NUP153: variants seen among roughly 807,000 people sequenced by gnomAD.
NUP153 encodes nucleoporin 153.
A neutral mutation model predicts 134.6 loss-of-function variants in NUP153; 27 were observed. The observed-to-expected ratio is 0.20, with a 90% CI of 0.15 to 0.28. NUP153 has a LOEUF of 0.28. Among genes scored for constraint, NUP153 ranks in the 10% least tolerant of loss-of-function variants. The pLI is 1.00. For synonymous variants in NUP153, 640 were observed against 623.5 expected (o/e 1.03, Z -0.40); for missense variants, 1,821 against 1,731.3 (o/e 1.05, Z -0.92).
At chr6:17,631,272 A>G (rs1437409794) in intron 17 of NUP153, among the ~76,000 whole-genome samples, 1 of 152,242 alleles carries the variant, frequency 6.6e-6, no homozygotes, top group Non-Finnish European at 1.5e-5. Context: ...GATGGCTCAC[A>G]ATATAAAAGG....
At chr6:17,646,245 T>C (rs1766170838) in intron 13 of NUP153, 91 bp from the exon 14 acceptor site, 2 of 618,570 alleles carry the variant, frequency 3.2e-6, no homozygotes, top group Admixed American at 3.0e-5. Context: ...TCTTACTCTG[T>C]CGCCCAGGCT....
At chr6:17,704,618 T>C (rs1188595256) in intron 1 of NUP153, among the ~76,000 whole-genome samples, 1 of 151,810 alleles carries the variant, frequency 6.6e-6, no homozygotes, top group Non-Finnish European at 1.5e-5. Flanking sequence ...GTGGGAGTAG[T>C]AACAGTGCCA....
chr6:17,685,850 TA>T (rs879939245), intron 2 of NUP153, among the ~76,000 whole-genome samples: 219 of 145,178 alleles, frequency 1.5e-3, no homozygotes, highest in East Asian at 2.8e-3. Flanking sequence ...CCACTTACAT[TA>T]AAAAAAAAAA....
chr6:17,695,055 G>T (rs145759780), intron 1 of NUP153, among the ~76,000 whole-genome samples: 1 of 152,022 alleles, frequency 6.6e-6, no homozygotes, highest in South Asian at 2.1e-4. Context: ...AAATACAGGC[G>T]TGTCCTTGGA....
rs548536884 is a variant in NUP153 at position 17,628,444 on chromosome 6, T to C, written c.3544+211A>G. ...GCATTACTGCTGTATTTCTCAAAAT[T>C]AGATCCACAGATGACTTCACCAGAA... On this transcript the variant is annotated intron_variant, in intron 18 of 21. Transcript: ENST00000262077. This position sits in a 1 kb window ranked among gnomAD's most constrained non-coding sequence, Gnocchi z 5.4. Among the ~76,000 whole-genome samples the C allele has an allele frequency of 2.9e-4, 44 of 152,244 alleles. No individual in the cohort carries two copies. Among genetic ancestry groups the C allele is most frequent in the African/African-American group, 9.1e-4 (38 of 41,548 alleles).
Position 17,637,180 on chromosome 6 carries a change from A to C in NUP153, c.2437T>G (p.Cys813Gly). Residue 813 changes from cysteine (C) to glycine (G), a missense_variant, in exon 16 of 22, where the codon TGT (cysteine) becomes GGT (glycine). Transcript: ENST00000262077. ...CVSNNAEDNK[C>G]VSCMSEKPGS... ...GGTTTCTCAGACATACAGGACACAC[A>C]CTTATTGTCTTCTGCATTATTAGAA... 1 of 1,613,496 alleles carries C rather than the reference A, an allele frequency of 6.2e-7. No individual in the cohort carries two copies. The highest frequency in any genetic ancestry group is 8.5e-7 in the Non-Finnish European group (1 of 1,179,442).
At chr6:17,700,631 A>G (rs1769992915) in intron 1 of NUP153, among the ~76,000 whole-genome samples, 1 of 152,236 alleles carries the variant, frequency 6.6e-6, no homozygotes, top group Non-Finnish European at 1.5e-5. Flanking sequence ...ATCAGATACC[A>G]GGCAGGACAT....
chr6:17,682,592 A>G (rs1351080406), intron 2 of NUP153, among the ~76,000 whole-genome samples: 1 of 152,150 alleles, frequency 6.6e-6, no homozygotes, highest in East Asian at 1.9e-4. Flanking sequence ...AAAAATGTGC[A>G]CAGTATCTTC....
chr6:17,650,463 T>C (rs1036051830), intron 11 of NUP153, among the ~76,000 whole-genome samples: 17 of 152,070 alleles, frequency 1.1e-4, no homozygotes, highest in Admixed American at 1.0e-3. Flanking sequence ...CAAAGAAAAC[T>C]AAAAAGTTTC....
intron 9 of NUP153, among the ~76,000 whole-genome samples, chr6:17,663,661 TAAAG>T (rs1395375624): frequency 6.6e-6 from 1 of 152,176 alleles, no homozygotes; most frequent in Non-Finnish European, 1.5e-5. Flanking sequence ...TGAATCAACA[TAAAG>T]AAATACATGG....
chr6:17,647,974 CA>C, intron 12 of NUP153, 69 bp from the exon 13 acceptor site: 2 of 956,928 alleles, frequency 2.1e-6, no homozygotes. Context: ...ACAAAAAAGA[CA>C]TTAAGCAAAC....
intron 2 of NUP153, among the ~76,000 whole-genome samples, chr6:17,683,133 C>T (rs1408954079): frequency 5.3e-5 from 8 of 152,104 alleles, no homozygotes; most frequent in East Asian, 1.9e-4. Flanking sequence ...GGGCTGGAAT[C>T]AACTTTCTCT....
intron 16 of NUP153, 83 bp from the exon 17 acceptor site, chr6:17,632,927 T>TG: frequency 9.9e-7 from 1 of 1,012,922 alleles, no homozygotes; most frequent in Non-Finnish European, 1.4e-6. Context: ...TTAATGGCAC[T>TG]GCTAAGTTTA....
At chr6:17,626,778 T>A (rs898443498) in intron 18 of NUP153, among the ~76,000 whole-genome samples, 6 of 152,342 alleles carry the variant, frequency 3.9e-5, no homozygotes, top group Non-Finnish European at 5.9e-5. Flanking sequence ...ATTTCTTGTG[T>A]GGTTTCCTTT....
At position 17,625,479 on chromosome 6, in the gene NUP153, G is replaced by A. The variant is rs1345540893; in HGVS notation, c.3901+329C>T. Among the ~76,000 whole-genome samples, 1 of 152,134 alleles carries A rather than the reference G, an allele frequency of 6.6e-6. No homozygotes were observed. The highest frequency in any genetic ancestry group is 1.5e-5 in the Non-Finnish European group (1 of 68,024). ...CGGGAGAGGCAGGTTGCAGTGAGCT[G>A]AGATTGCACCACTGCACTCCAGCCT... On this transcript the variant is annotated intron_variant, in intron 19 of 21. Transcript: ENST00000262077. This position sits in a 1 kb window ranked among gnomAD's most constrained non-coding sequence, Gnocchi z 4.7.
At chr6:17,659,613 C>T (rs1417150683) in intron 11 of NUP153, among the ~76,000 whole-genome samples, 6 of 152,132 alleles carry the variant, frequency 3.9e-5, no homozygotes, top group Non-Finnish European at 8.8e-5. Flanking sequence ...GCTGGGACTA[C>T]ACACATACGC....
At chr6:17,632,970 A>G in intron 16 of NUP153, 126 bp from the exon 17 acceptor site, 1 of 661,658 alleles carries the variant, frequency 1.5e-6, no homozygotes. Context: ...TTCCTATTAA[A>G]ACACAGAATG....
intron 14 of NUP153, among the ~76,000 whole-genome samples, chr6:17,640,513 A>G (rs1006405661): frequency 1.3e-5 from 2 of 152,246 alleles, no homozygotes; most frequent in East Asian, 3.8e-4. Flanking sequence ...AATATCCTTC[A>G]GTTATAATAT....
intron 8 of NUP153, among the ~76,000 whole-genome samples, chr6:17,668,069 C>CTTTTTTTTTTT (rs762142682): frequency 1.1e-5 from 1 of 87,228 alleles, no homozygotes; most frequent in East Asian, 4.2e-4. Flanking sequence ...GTTTACTGAA[C>CTTTTTTTTTTT]TTTTTTTTTT....
Sources: allele counts gnomAD v4.1 joint callset (sites outside exome capture counted in the v4.1 genomes callset), GRCh38; gene constraint gnomAD v4.1.1; non-coding constraint Gnocchi (gnomAD v3.1); transcripts MANE v1.5; gene names NCBI Gene and HGNC (gene_info 2026-07-23, HGNC 2026-07-21).